Variants in EFCAB3 observed in about 807,000 individuals in gnomAD.
EFCAB3 encodes the protein EF-hand calcium binding domain 3, also known as EF-hand calcium-binding domain-containing protein 3.
A neutral mutation model predicts 42.2 loss-of-function variants in EFCAB3; 36 were observed. The observed-to-expected ratio is 0.85, with a 90% CI of 0.65 to 1.13. The LOEUF is 1.13. Ranked by LOEUF, EFCAB3 falls within the 50% of genes most tolerant of loss-of-function variation. EFCAB3 has a pLI of 0.00. For synonymous variants in EFCAB3, 170 were observed against 172.8 expected (o/e 0.98, Z 0.13); for missense variants, 418 against 505.1 (o/e 0.83, Z 1.65).
chr17:62,384,416 A>G (rs1304458036), intron 2 of EFCAB3, among the ~76,000 whole-genome samples: 2 of 152,122 alleles, frequency 1.3e-5, no homozygotes, highest in Admixed American at 6.6e-5. Context: ...CGGGTGGATC[A>G]CTTGAGCCTA....
rs752731336 is a variant in EFCAB3, at chr17:62,395,155, C to T, written c.455C>T (p.Ala152Val). 1.2e-6 allele frequency: 2 copies of T among 1,613,954 alleles called. No individual in the cohort carries two copies. The highest frequency in any genetic ancestry group is 1.1e-5 in the South Asian group (1 of 91,030). Residue 152 changes from alanine to valine, a missense_variant, in exon 6 of 10, where the codon GCC becomes GTC. Transcript: ENST00000305286. ...EILSRLLETS[A>V]LPRKSIIEIV... ...CTATCAAGGCTTCTAGAGACTTCAG[C>T]CCTACCCAGAAAGTCTATAATAGAA...
In EFCAB3 at chr17:62,391,840, A is replaced by G. The variant is rs2070305227; in HGVS notation, c.170A>G (p.Asn57Ser). 1.2e-6 allele frequency: 2 copies of G among 1,613,382 alleles called. No individual in the cohort carries two copies. Among genetic ancestry groups the G allele is most frequent in the Non-Finnish European group, 1.7e-6 (2 of 1,179,704 alleles). ...TCCCCAGCTTTCCAAGATGCCTACA[A>G]CTTCTTCTACAAGGACAAAACTGGC... ...SQMAAFQDAY[N>S]FFYKDKTGCI... is the part of the protein sequence containing the mutation. The change falls in exon 4 of 10, where the codon AAC becomes AGC. Residue 57 changes from asparagine (N) to serine (S), a missense_variant. By Grantham distance (46) the Asn-to-Ser change is conservative. Transcript: ENST00000305286.
upstream of EFCAB3, chr17:62,377,936 A>G (rs1177396654): frequency 6.6e-7 from 1 of 1,523,620 alleles, no homozygotes; most frequent in Non-Finnish European, 8.9e-7. Context: ...TCAGAAATTC[A>G]TGTAATTTTG....
intron 2 of EFCAB3, among the ~76,000 whole-genome samples, chr17:62,384,654 A>G (rs1035573274): frequency 2.0e-5 from 3 of 152,188 alleles, no homozygotes; most frequent in African/African-American, 7.2e-5. Context: ...CTTGAATTCT[A>G]CTTTCCTCCT....
chr17:62,382,924 C>G, intron 1 of EFCAB3, 39 bp from the exon 2 acceptor site: 1 of 1,564,534 alleles, frequency 6.4e-7, no homozygotes, highest in Non-Finnish European at 8.7e-7. Flanking sequence ...AAGAATGAAT[C>G]TGTAAACTGA....
In EFCAB3 at chr17:62,413,830, C is replaced by T. The variant is rs369464898; in HGVS notation, c.966C>T (p.Ala322=). The part of the protein sequence containing the change: ...MLKKKQTCTV[A]DATAIKQHVK... ...AGAAAAAGCAGACTTGTACAGTGGC[C>T]GATGCAACTGCTATTAAACAACATG... Residue 322 remains alanine (A), a synonymous_variant, in exon 9 of 10, where the codon GCC becomes GCT. Transcript: ENST00000305286. 9.9e-6 allele frequency: 16 copies of T among 1,611,724 alleles called. No individual in the cohort carries two copies. The highest frequency in any genetic ancestry group is 2.2e-5 in the South Asian group (2 of 90,704).
chr17:62,408,157 C>T (rs2070464260), intron 8 of EFCAB3, among the ~76,000 whole-genome samples: 1 of 152,182 alleles, frequency 6.6e-6, no homozygotes, highest in Non-Finnish European at 1.5e-5. Flanking sequence ...TAGAATATAA[C>T]ATTCATGTAC....
At chr17:62,400,554 G>T (rs997021053) in intron 6 of EFCAB3, among the ~76,000 whole-genome samples, 3 of 152,200 alleles carry the variant, frequency 2.0e-5, no homozygotes, top group African/African-American at 7.2e-5. Context: ...CAAAGGACAT[G>T]AACTCATCCT....
chr17:62,404,853 T>A (rs1398986706), intron 6 of EFCAB3, among the ~76,000 whole-genome samples: 1 of 152,126 alleles, frequency 6.6e-6, no homozygotes, highest in Non-Finnish European at 1.5e-5. Flanking sequence ...AAGCCACTAG[T>A]TTTGGTATGT....
intron 8 of EFCAB3, among the ~76,000 whole-genome samples, chr17:62,410,068 A>T (rs750197503): frequency 6.6e-5 from 10 of 152,108 alleles, no homozygotes; most frequent in Non-Finnish European, 1.3e-4. Context: ...GCGTGGTGGC[A>T]TATGCCTGTA....
intron 6 of EFCAB3, among the ~76,000 whole-genome samples, chr17:62,398,852 C>T (rs1341355339): frequency 1.3e-5 from 2 of 152,070 alleles, no homozygotes; most frequent in Non-Finnish European, 2.9e-5. Context: ...ATTTAATTTC[C>T]TGAGAAAGCA....
At position 62,394,956 on chromosome 17, in the gene EFCAB3, T is replaced by C. The variant is rs911546842; in HGVS notation, c.368-112T>C. ...ATAGAACAGACTTTTAATGTTTTAC[T>C]GTACCTCTAGTTCCTGACTTGATAT... On this transcript the variant is annotated intron_variant, in intron 5 of 9. Coordinates refer to ENST00000305286, the MANE Select transcript of EFCAB3 (RefSeq NM_173503.4). The C allele has an allele frequency of 2.9e-5, 40 of 1,381,868 alleles. No homozygotes were observed. The South Asian group carries it at 5.3e-4, about 18-fold the overall frequency. 85.6% of individuals were successfully genotyped at this position (1,381,868 alleles called of 1,614,324 possible).
intron 2 of EFCAB3, among the ~76,000 whole-genome samples, chr17:62,375,089 C>T (rs913088979): frequency 1.3e-5 from 2 of 151,542 alleles, no homozygotes; most frequent in East Asian, 3.9e-4. Flanking sequence ...ACTCCAGCCT[C>T]GATGATAGAG....
In EFCAB3 at chr17:62,388,854, A is replaced by C. The variant is rs1378729494; in HGVS notation, c.151+1438A>C. 5.3e-5 allele frequency among the ~76,000 whole-genome samples: 8 copies of C among 152,230 alleles called. No homozygotes were observed. The East Asian group carries it at 7.7e-4, about 15-fold the overall frequency. On this transcript the variant is annotated intron_variant, in intron 3 of 9. Coordinates refer to ENST00000305286, the MANE Select transcript of EFCAB3 (RefSeq NM_173503.4). ...GTAAAACTGAGCTAAATGCCTTAATAATAACAGCTTATGGTTTTATAGACC... is the reference window on the plus strand; with the variant it reads ...GTAAAACTGAGCTAAATGCCTTAATCATAACAGCTTATGGTTTTATAGACC...
upstream of EFCAB3, among the ~76,000 whole-genome samples, chr17:62,379,596 A>C (rs1258029858): frequency 6.6e-6 from 1 of 152,102 alleles, no homozygotes; most frequent in Non-Finnish European, 1.5e-5. Flanking sequence ...TTATGCTCAT[A>C]ATGAACAAAT....
At chr17:62,395,330 T>C (rs2070340110) in intron 6 of EFCAB3, 142 bp downstream of exon 6, 1 of 1,069,914 alleles carries the variant, frequency 9.3e-7, no homozygotes, top group East Asian at 2.5e-5. Flanking sequence ...GCAAATGCCC[T>C]TGTGCTACAA....
At chr17:62,383,166 T>TAA in intron 2 of EFCAB3, 113 bp downstream of exon 2, 1 of 953,732 alleles carries the variant, frequency 1.0e-6, no homozygotes, top group South Asian at 1.8e-5. Flanking sequence ...GGGAAGCCCC[T>TAA]AAAAAAAAGA....
chr17:62,370,589 G>A (rs1028508957), intron 1 of EFCAB3, among the ~76,000 whole-genome samples: 2 of 151,732 alleles, frequency 1.3e-5, no homozygotes, highest in Non-Finnish European at 2.9e-5. Context: ...CCAGGAGGGG[G>A]AGGTTGCAGT....
chr17:62,411,898 AAGGAAGGGAGGGAGGG>A (rs2070501235), intron 8 of EFCAB3, among the ~76,000 whole-genome samples: 1 of 16,674 alleles, frequency 6.0e-5, no homozygotes. Flanking sequence ...GGAAGGAAGG[AAGGAAGGGAGGGAGGG>A]AGGAAGACAG....
Sources: allele counts gnomAD v4.1 joint callset (sites outside exome capture counted in the v4.1 genomes callset), GRCh38; gene constraint gnomAD v4.1.1; transcripts MANE v1.5; gene names NCBI Gene and HGNC (gene_info 2026-07-23, HGNC 2026-07-21).